The following SLIT1 variants were observed in gnomAD, a reference collection of about 807,000 sequenced individuals.
The protein encoded by SLIT1 is slit guidance ligand 1, also known as slit homolog 1 protein.
A neutral mutation model predicts 186.1 loss-of-function variants in SLIT1; 66 were observed. The observed-to-expected ratio is 0.35, with a 90% CI of 0.29 to 0.44. The LOEUF (loss-of-function observed/expected upper bound fraction) is 0.44. Ranked by LOEUF, SLIT1 falls within the 20% of genes least tolerant of loss-of-function variation. The pLI is 1.00. For synonymous variants in SLIT1, 761 were observed against 833.8 expected (o/e 0.91, Z 1.50); for missense variants, 1,638 against 2,037.4 (o/e 0.80, Z 3.77).
At chr10:97,119,151 C>A (rs1313505341) in intron 4 of SLIT1, among the ~76,000 whole-genome samples, 1 of 152,180 alleles carries the variant, frequency 6.6e-6, no homozygotes, top group African/African-American at 2.4e-5. Context: ...AGGAAGAATT[C>A]TCCGTCCTCA....
At position 97,056,383 on chromosome 10, in the gene SLIT1, A is replaced by T; in HGVS notation, c.1239T>A (p.Tyr413Ter). ...TGGCGAGGCTCTGGATCTTGTTGTC[A>T]TACAGGGAGAGCAGTGAGAGGTTCT... ...DLQNLSLLSL[Y>*]DNKIQSLAKG... The change falls in exon 13 of 37, where the codon TAT becomes TAA. Residue 413 changes from tyrosine to a stop codon, truncating the protein, a stop_gained. Transcript: ENST00000266058. LOFTEE classifies it high-confidence loss of function. 2 of 1,614,200 alleles carry T rather than the reference A, an allele frequency of 1.2e-6. No individual in the cohort carries two copies. The highest frequency in any genetic ancestry group is 1.7e-6 in the Non-Finnish European group (2 of 1,180,014).
chr10:97,151,077 G>GT, intron 4 of SLIT1, among the ~76,000 whole-genome samples: 1 of 152,244 alleles, frequency 6.6e-6, no homozygotes, highest in South Asian at 2.1e-4. Context: ...AGGTCAGAGG[G>GT]TGGCAGGCTG....
chr10:97,096,117 C>G (rs993793296), intron 4 of SLIT1, among the ~76,000 whole-genome samples: 3 of 152,144 alleles, frequency 2.0e-5, no homozygotes, highest in Admixed American at 2.0e-4. Flanking sequence ...CCCTGGTGTG[C>G]CAGGCACTCT....
chr10:97,126,935 A>T (rs1030950526), intron 4 of SLIT1, among the ~76,000 whole-genome samples: 5 of 151,930 alleles, frequency 3.3e-5, no homozygotes, highest in Admixed American at 6.6e-5. Flanking sequence ...CACAGAATTC[A>T]CCTTTTTCCA....
intron 13 of SLIT1, among the ~76,000 whole-genome samples, chr10:97,050,544 A>G (rs1848777585): frequency 6.6e-6 from 1 of 152,152 alleles, no homozygotes; most frequent in Non-Finnish European, 1.5e-5. Context: ...CAAGCTCAAC[A>G]TTCATTTCCC....
intron 4 of SLIT1, among the ~76,000 whole-genome samples, chr10:97,099,443 A>G (rs1476767458): frequency 6.8e-6 from 1 of 147,446 alleles, no homozygotes; most frequent in African/African-American, 2.5e-5. Flanking sequence ...AGAGAAAAAG[A>G]CTCCAGGTTG....
intron 4 of SLIT1, chr10:97,157,516 G>A (rs1247225069): frequency 7.9e-6 from 3 of 380,140 alleles, no homozygotes; most frequent in Non-Finnish European, 1.4e-5. Context: ...TGTAAAGGCT[G>A]GCATCACCGT....
chr10:97,155,904 G>C (rs1304179584), intron 4 of SLIT1, among the ~76,000 whole-genome samples: 3 of 152,190 alleles, frequency 2.0e-5, no homozygotes, highest in Non-Finnish European at 4.4e-5. Flanking sequence ...GGAGTTGCTG[G>C]GGCCAAGGCA....
In SLIT1 at chr10:97,004,395, T is replaced by C. The variant is rs900481374; in HGVS notation, c.3711-173A>G. On this transcript the variant is annotated intron_variant, in intron 33 of 36. Coordinates refer to ENST00000266058, the MANE Select transcript of SLIT1 (RefSeq NM_003061.3). The surrounding 1 kb of genome is among the most constrained non-coding windows in gnomAD (Gnocchi z 5.1). ...CATGATCCCTTTCACTCCCCTTCTT[T>C]GACTCCCTGGGGAAGGCTGAGAGGT... is the stretch of plus-strand genomic sequence containing the variant. 1.3e-5 allele frequency among the ~76,000 whole-genome samples: 2 copies of C among 152,158 alleles called. No individual in the cohort carries two copies. Among genetic ancestry groups the C allele is most frequent in the African/African-American group, 4.8e-5 (2 of 41,430 alleles).
At chr10:97,089,946 G>A (rs1030667319) in intron 4 of SLIT1, among the ~76,000 whole-genome samples, 7 of 152,126 alleles carry the variant, frequency 4.6e-5, no homozygotes, top group African/African-American at 1.4e-4. Flanking sequence ...GTATAAAATG[G>A]GAATAACAAA....
intron 4 of SLIT1, among the ~76,000 whole-genome samples, chr10:97,092,968 G>A (rs979784493): frequency 1.3e-5 from 2 of 152,236 alleles, no homozygotes; most frequent in Non-Finnish European, 2.9e-5. Context: ...GGTTCAGAGA[G>A]GTTCTGTGAT....
At chr10:97,179,800 T>C (rs1177108247) in intron 1 of SLIT1, among the ~76,000 whole-genome samples, 7,811 of 121,476 alleles carry the variant, frequency 0.064, 91 homozygotes, top group Non-Finnish European at 0.08. Flanking sequence ...CTCCACACCC[T>C]CCCCGCCCCC....
chr10:97,073,597 C>A (rs1414819507), intron 4 of SLIT1, among the ~76,000 whole-genome samples: 1 of 152,162 alleles, frequency 6.6e-6, no homozygotes, highest in African/African-American at 2.4e-5. Context: ...AGGGCTGGGG[C>A]AGAAGCTGAA....
intron 4 of SLIT1, among the ~76,000 whole-genome samples, chr10:97,140,561 C>T (rs550993317): frequency 1.3e-5 from 2 of 152,306 alleles, no homozygotes; most frequent in East Asian, 1.9e-4. Context: ...TCAGTCGATA[C>T]CTTCCTTTCT....
chr10:97,057,774 T>G, intron 11 of SLIT1: 2 of 493,220 alleles, frequency 4.1e-6, no homozygotes, highest in South Asian at 3.6e-5. Flanking sequence ...TTTAGCATTT[T>G]CAAAGTTTTC....
At chr10:97,122,110 G>A (rs1017384114) in intron 4 of SLIT1, among the ~76,000 whole-genome samples, 1 of 152,118 alleles carries the variant, frequency 6.6e-6, no homozygotes, top group Non-Finnish European at 1.5e-5. Context: ...CAGCTCCCTC[G>A]TGAGGACAGA....
At chr10:97,146,519 C>A (rs1456008502) in intron 4 of SLIT1, among the ~76,000 whole-genome samples, 1 of 151,956 alleles carries the variant, frequency 6.6e-6, no homozygotes, top group Non-Finnish European at 1.5e-5. Context: ...CAGGGGCCTT[C>A]TTTAGGGCTC....
Position 97,043,129 on chromosome 10 carries a change from C to T in SLIT1, c.1998-62G>A. 6.4e-7 allele frequency: 1 copy of T among 1,559,830 alleles called. No homozygotes were observed. The highest frequency in any genetic ancestry group is 8.7e-7 in the Non-Finnish European group (1 of 1,144,534). On this transcript the variant is annotated intron_variant, in intron 19 of 36. Transcript: ENST00000266058. The surrounding 1 kb of genome is among the most constrained non-coding windows in gnomAD (Gnocchi z 7.0). ...TGCCCCTCTCAGAGGTCCCAGCAAA[C>T]CCCTCCTGTACCACGGACACAGGGC...
At chr10:97,146,559 G>GCCCC (rs61265496) in intron 4 of SLIT1, among the ~76,000 whole-genome samples, 1 of 149,082 alleles carries the variant, frequency 6.7e-6, no homozygotes, top group Non-Finnish European at 1.5e-5. Context: ...AGGTACCCCA[G>GCCCC]CCCCCCCCAC....
Sources: allele counts gnomAD v4.1 joint callset (sites outside exome capture counted in the v4.1 genomes callset), GRCh38; gene constraint gnomAD v4.1.1; non-coding constraint Gnocchi (gnomAD v3.1); transcripts MANE v1.5; gene names NCBI Gene and HGNC (gene_info 2026-07-23, HGNC 2026-07-21).